Variants in NYAP2 observed in about 807,000 individuals in gnomAD.
The protein encoded by NYAP2 is neuronal tyrosine-phosphorylated phosphoinositide-3-kinase adapter 2.
A neutral mutation model predicts 50.4 loss-of-function variants in NYAP2; 23 were observed. The ratio of observed to expected loss-of-function variants is 0.46; its 90% CI spans 0.33 to 0.65. The LOEUF is 0.65. Among genes scored for constraint, NYAP2 ranks in the 30% least tolerant of loss-of-function variants. The pLI, the probability that NYAP2 is intolerant of heterozygous loss-of-function variation, is 0.02. For missense variants in NYAP2, 885 were observed against 861.0 expected, an observed-to-expected ratio of 1.03 and a Z score of -0.35; for synonymous variants, 394 against 365.2, an observed-to-expected ratio of 1.08 and a Z score of -0.90.
chr2:225,631,052 T>G (rs1414757862), intron 6 of NYAP2, among the ~76,000 whole-genome samples: 1 of 152,172 alleles, frequency 6.6e-6, no homozygotes, highest in Non-Finnish European at 1.5e-5. Context: ...GAGTCTAAAC[T>G]AGGAGAGCAG....
intron 3 of NYAP2, among the ~76,000 whole-genome samples, chr2:225,463,234 C>A (rs920777066): frequency 2.6e-5 from 4 of 152,224 alleles, no homozygotes; most frequent in African/African-American, 7.2e-5. Flanking sequence ...CCTTGAGCAG[C>A]CCTGTTTTCA....
chr2:225,442,221 G>C (rs907560469), intron 3 of NYAP2, among the ~76,000 whole-genome samples: 1 of 152,130 alleles, frequency 6.6e-6, no homozygotes, highest in African/African-American at 2.4e-5. Flanking sequence ...ATTAGCCATG[G>C]AAAAATACAA....
At position 225,582,996 on chromosome 2, in the gene NYAP2, A is replaced by G. The variant is rs767956331; in HGVS notation, c.1579A>G (p.Lys527Glu). ...CTCCTCCGGCCGCAGCCTGCTGCGCAAGTCGTCCAGTGGCCGGCGCTCCAA... is the reference window on the plus strand; with the variant it reads ...CTCCTCCGGCCGCAGCCTGCTGCGCGAGTCGTCCAGTGGCCGGCGCTCCAA... Residue 527 changes from lysine (K) to glutamate (E), a missense_variant, in exon 5 of 7, where the codon AAG becomes GAG. Lys to Glu is a moderately conservative substitution (Grantham distance 56, BLOSUM62 1). Transcript: ENST00000636099. The surrounding 1 kb of genome is among the most constrained non-coding windows in gnomAD (Gnocchi z 7.0). 6 of 1,612,060 alleles carry G rather than the reference A, an allele frequency of 3.7e-6. No homozygotes were observed. Among genetic ancestry groups the G allele is most frequent in the Non-Finnish European group, 4.2e-6 (5 of 1,179,584 alleles).
At chr2:225,610,537 G>T (rs755448853) in intron 5 of NYAP2, among the ~76,000 whole-genome samples, 22 of 152,088 alleles carry the variant, frequency 1.4e-4, no homozygotes, top group Non-Finnish European at 2.9e-4. Context: ...AGAGAGTTTA[G>T]AATAGTAGAT....
intron 3 of NYAP2, among the ~76,000 whole-genome samples, chr2:225,477,808 C>T (rs577530711): frequency 7.4e-4 from 113 of 152,016 alleles, no homozygotes; most frequent in Non-Finnish European, 1.2e-3. Flanking sequence ...TAATTTGAAA[C>T]GGGCCCCTCC....
chr2:225,572,815 G>C (rs1417619257), intron 4 of NYAP2, among the ~76,000 whole-genome samples: 2 of 152,324 alleles, frequency 1.3e-5, no homozygotes, highest in East Asian at 3.9e-4. Flanking sequence ...CAGAGGACCA[G>C]ATCCCCTAGG....
intron 4 of NYAP2, among the ~76,000 whole-genome samples, chr2:225,546,551 A>G (rs1194032670): frequency 6.6e-6 from 1 of 151,978 alleles, no homozygotes; most frequent in Non-Finnish European, 1.5e-5. Flanking sequence ...CTTGTAGTGA[A>G]TGTTGCTAGG....
chr2:225,615,420 C>T (rs1692970710), intron 5 of NYAP2, among the ~76,000 whole-genome samples: 1 of 152,004 alleles, frequency 6.6e-6, no homozygotes, highest in Admixed American at 6.6e-5. Flanking sequence ...CTCTACAATC[C>T]TCATGTATTC....
chr2:225,467,908 G>C (rs998078260), intron 3 of NYAP2, among the ~76,000 whole-genome samples: 1 of 152,098 alleles, frequency 6.6e-6, no homozygotes, highest in Non-Finnish European at 1.5e-5. Context: ...AAGTCTCCTG[G>C]GATAGAGGGG....
chr2:225,595,903 C>T (rs1334257633), intron 5 of NYAP2, among the ~76,000 whole-genome samples: 2 of 152,154 alleles, frequency 1.3e-5, no homozygotes, highest in African/African-American at 2.4e-5. Context: ...TCCTCTTCTA[C>T]TCACCCCAGA....
intron 2 of NYAP2, among the ~76,000 whole-genome samples, chr2:225,404,823 T>C (rs1425909708): frequency 6.6e-6 from 1 of 152,010 alleles, no homozygotes. Flanking sequence ...AAAAGAGTCT[T>C]TTGTGAATGC....
chr2:225,539,586 C>T (rs1159455272), intron 4 of NYAP2, among the ~76,000 whole-genome samples: 1 of 152,260 alleles, frequency 6.6e-6, no homozygotes, highest in Middle Eastern at 3.4e-3. Flanking sequence ...TTGCATTTTT[C>T]TAATGACCAG....
chr2:225,658,231 C>T (rs553050836), downstream of NYAP2, among the ~76,000 whole-genome samples: 1 of 152,204 alleles, frequency 6.6e-6, no homozygotes, highest in Admixed American at 6.5e-5. Flanking sequence ...TTAAAATTGG[C>T]TCTTATTATT....
chr2:225,542,822 A>G (rs1428431041), intron 4 of NYAP2, among the ~76,000 whole-genome samples: 1 of 152,012 alleles, frequency 6.6e-6, no homozygotes, highest in Non-Finnish European at 1.5e-5. Context: ...ATTTTTCAGA[A>G]TAGTTTGAGT....
At chr2:225,677,870 A>G in the NYAP2 span, among the ~76,000 whole-genome samples, 1 of 151,992 alleles carries the variant, frequency 6.6e-6, no homozygotes, top group South Asian at 2.1e-4. Context: ...TTGGCATGAA[A>G]TTTACTTTTT....
At chr2:225,522,523 C>G (rs2106192076) in intron 4 of NYAP2, among the ~76,000 whole-genome samples, 1 of 152,268 alleles carries the variant, frequency 6.6e-6, no homozygotes, top group African/African-American at 2.4e-5. Flanking sequence ...TTATAAGTCA[C>G]TGCCTTAAAA....
chr2:225,590,361 T>G (rs979428081), intron 5 of NYAP2, among the ~76,000 whole-genome samples: 1 of 152,120 alleles, frequency 6.6e-6, no homozygotes, highest in Non-Finnish European at 1.5e-5. Context: ...TCTCGTGTAG[T>G]TCAAAGCATG....
rs543572982 is a variant in NYAP2 at position 225,563,902 on chromosome 2, G to A, written c.524-18039G>A. Among the ~76,000 whole-genome samples, 20 of 152,154 alleles carry A rather than the reference G, an allele frequency of 1.3e-4. No individual in the cohort carries two copies. In the South Asian group the frequency reaches 1.9e-3, roughly 14 times the overall value. On this transcript the variant is annotated intron_variant, in intron 4 of 6. Transcript: ENST00000636099. ...GAGTTAGATGTTTAAGGTATGACTTGGGGGTGGGAAAAGCCACACGGGGAA... is the reference window on the plus strand; with the variant it reads ...GAGTTAGATGTTTAAGGTATGACTTAGGGGTGGGAAAAGCCACACGGGGAA...
chr2:225,427,761 A>C (rs541989418), intron 3 of NYAP2, among the ~76,000 whole-genome samples: 34 of 152,340 alleles, frequency 2.2e-4, no homozygotes, highest in Middle Eastern at 3.4e-3. Flanking sequence ...CATAAAATTA[A>C]AAGTGAGCCA....
Sources: gnomAD v4.1 joint callset for allele counts (sites outside exome capture counted in the v4.1 genomes callset) on GRCh38, gnomAD v4.1.1 for gene constraint, Gnocchi (gnomAD v3.1) non-coding constraint, MANE v1.5 for transcripts, NCBI Gene and HGNC (gene_info 2026-07-23, HGNC 2026-07-21) for gene names.